C8orf34: variants seen among roughly 807,000 people sequenced by gnomAD.
The protein encoded by C8orf34 is chromosome 8 open reading frame 34, also known as uncharacterized protein C8orf34.
A neutral mutation model predicts 68.3 loss-of-function variants in C8orf34; 65 were observed. That is an observed-to-expected ratio of 0.95 (90% confidence interval 0.78 to 1.17). The LOEUF (loss-of-function observed/expected upper bound fraction) is 1.17. Among genes scored for constraint, C8orf34 ranks in the 50% most tolerant of loss-of-function variants. The pLI, the probability that C8orf34 is intolerant of heterozygous loss-of-function variation, is 0.00. For missense variants in C8orf34, 664 were observed against 655.4 expected (o/e 1.01, Z -0.14); for synonymous variants, 244 against 241.2 (o/e 1.01, Z -0.11).
At chr8:68,677,147 T>G (rs1316107162) in intron 8 of C8orf34, among the ~76,000 whole-genome samples, 1 of 151,972 alleles carries the variant, frequency 6.6e-6, no homozygotes, top group Non-Finnish European at 1.5e-5. Flanking sequence ...TACAAACACA[T>G]GAAAATTAAA....
At chr8:68,429,876 C>T (rs1435372538) in intron 1 of C8orf34, among the ~76,000 whole-genome samples, 1 of 152,110 alleles carries the variant, frequency 6.6e-6, no homozygotes, top group Non-Finnish European at 1.5e-5. Flanking sequence ...GGTATGGTAT[C>T]ATAGAAAAAT....
chr8:68,563,311 G>GCT (rs1241254928), intron 7 of C8orf34, among the ~76,000 whole-genome samples: 3 of 152,106 alleles, frequency 2.0e-5, no homozygotes, highest in Non-Finnish European at 4.4e-5. Flanking sequence ...ATTTTGAAAA[G>GCT]CTGTCCTTTC....
intron 8 of C8orf34, among the ~76,000 whole-genome samples, chr8:68,670,613 C>A (rs1010921178): frequency 6.6e-6 from 1 of 152,122 alleles, no homozygotes; most frequent in African/African-American, 2.4e-5. Flanking sequence ...TCTTTGGGTT[C>A]ATTTAATTCC....
At chr8:68,373,144 G>A (rs780985265) in intron 1 of C8orf34, among the ~76,000 whole-genome samples, 7 of 151,774 alleles carry the variant, frequency 4.6e-5, no homozygotes, top group African/African-American at 1.5e-4. Context: ...TCAGGTGTGC[G>A]TCACCACGCC....
At chr8:68,591,187 G>C (rs753052252) in intron 7 of C8orf34, among the ~76,000 whole-genome samples, 2 of 152,060 alleles carry the variant, frequency 1.3e-5, no homozygotes, top group African/African-American at 2.4e-5. Context: ...GAAGAAAATC[G>C]CCAAACTAAA....
intron 1 of C8orf34, among the ~76,000 whole-genome samples, chr8:68,398,125 G>A (rs1808796716): frequency 6.6e-6 from 1 of 151,904 alleles, no homozygotes; most frequent in Admixed American, 6.6e-5. Flanking sequence ...TTTCATTCAT[G>A]ACATATCTTC....
intron 10 of C8orf34, among the ~76,000 whole-genome samples, 168 bp from the exon 11 acceptor site, chr8:68,776,231 T>G (rs1179226529): frequency 6.6e-6 from 1 of 152,214 alleles, no homozygotes; most frequent in Non-Finnish European, 1.5e-5. Flanking sequence ...TTTCTTTTTT[T>G]TCAAAGAGTA....
intron 11 of C8orf34, among the ~76,000 whole-genome samples, chr8:68,781,352 T>C (rs1379441394): frequency 6.6e-6 from 1 of 152,208 alleles, no homozygotes; most frequent in Non-Finnish European, 1.5e-5. Context: ...CCATGTTCCA[T>C]GTGATAAATA....
At chr8:68,686,541 T>G (rs1820524436) in intron 8 of C8orf34, among the ~76,000 whole-genome samples, 1 of 152,074 alleles carries the variant, frequency 6.6e-6, no homozygotes. Flanking sequence ...ATCATCTCAA[T>G]AGATGCAATA....
chr8:68,600,887 C>T (rs1817677987), intron 7 of C8orf34, among the ~76,000 whole-genome samples: 2 of 152,112 alleles, frequency 1.3e-5, no homozygotes, highest in Non-Finnish European at 2.9e-5. Flanking sequence ...ATGTTTGTAC[C>T]CATTCACCAA....
chr8:68,407,363 A>G (rs189866514), intron 1 of C8orf34, among the ~76,000 whole-genome samples: 17 of 152,244 alleles, frequency 1.1e-4, no homozygotes, highest in African/African-American at 3.9e-4. Flanking sequence ...GTAAAACTGT[A>G]AGATAATTTT....
chr8:68,572,088 A>G (rs2130274555), intron 7 of C8orf34, among the ~76,000 whole-genome samples: 1 of 152,274 alleles, frequency 6.6e-6, no homozygotes, highest in African/African-American at 2.4e-5. Context: ...TTGTAATATA[A>G]TGGCAAGTAT....
chr8:68,645,712 A>G (rs1483738577), intron 8 of C8orf34, among the ~76,000 whole-genome samples: 1 of 152,200 alleles, frequency 6.6e-6, no homozygotes, highest in Non-Finnish European at 1.5e-5. Flanking sequence ...TATAGAATCA[A>G]TAAGACTCAA....
chr8:68,640,033 C>T (rs755831214), intron 7 of C8orf34, among the ~76,000 whole-genome samples: 5 of 152,122 alleles, frequency 3.3e-5, no homozygotes, highest in Admixed American at 6.6e-5. Context: ...TTGACCAAGT[C>T]CTGACCATTT....
rs1818627672 is a variant in C8orf34, at chr8:68,629,495, T to TG, written c.1106-10879dup. Among the ~76,000 whole-genome samples the TG allele has an allele frequency of 2.0e-5, 3 of 152,170 alleles. No homozygotes were observed. The South Asian group carries it at 6.2e-4, about 32-fold the overall frequency. ...TTTCCAGTTTTTAAAGTTTTTCCAG[T>TG]GGCTGTTTAGTGCAACAAATGTATT... On this transcript the variant is annotated intron_variant, in intron 7 of 13. Coordinates refer to ENST00000518698, the MANE Select transcript of C8orf34 (RefSeq NM_052958.4).
intron 10 of C8orf34, among the ~76,000 whole-genome samples, chr8:68,756,115 T>A (rs1311904326): frequency 6.7e-6 from 1 of 149,120 alleles, no homozygotes; most frequent in Non-Finnish European, 1.5e-5. Flanking sequence ...GACTCCCAAA[T>A]GTAGATGGAC....
At chr8:68,334,557 A>C (rs1197391023) in intron 1 of C8orf34, among the ~76,000 whole-genome samples, 1 of 152,070 alleles carries the variant, frequency 6.6e-6, no homozygotes, top group Non-Finnish European at 1.5e-5. Flanking sequence ...TGCTCAGGGC[A>C]GTTATATATC....
intron 3 of C8orf34, among the ~76,000 whole-genome samples, chr8:68,455,032 A>C (rs188276130): frequency 6.6e-6 from 1 of 152,014 alleles, no homozygotes; most frequent in East Asian, 1.9e-4. Context: ...AATATTGTTT[A>C]ATTTTCCCAT....
At chr8:68,760,527 A>G (rs1822995583) in intron 10 of C8orf34, among the ~76,000 whole-genome samples, 1 of 152,204 alleles carries the variant, frequency 6.6e-6, no homozygotes, top group African/African-American at 2.4e-5. Context: ...GAGACACTGA[A>G]TGATTCAAAC....
Sources: allele counts gnomAD v4.1 joint callset (sites outside exome capture counted in the v4.1 genomes callset), GRCh38; gene constraint gnomAD v4.1.1; transcripts MANE v1.5; gene names NCBI Gene and HGNC (gene_info 2026-07-23, HGNC 2026-07-21).